CADPS2: variants seen among roughly 807,000 people sequenced by gnomAD.
The protein encoded by CADPS2 is calcium-dependent secretion activator 2.
In CADPS2, 93 loss-of-function variants were observed where a neutral mutation model predicts 172.5. The observed-to-expected ratio is 0.54, with a 90% CI of 0.46 to 0.64. The LOEUF (loss-of-function observed/expected upper bound fraction) is 0.64. CADPS2 is among the 30% of genes least tolerant of loss of function. The pLI, the probability that CADPS2 is intolerant of heterozygous loss-of-function variation, is 0.00. For missense variants in CADPS2, 1,420 were observed against 1,565.9 expected, an observed-to-expected ratio of 0.91 and a Z score of 1.57; for synonymous variants, 546 against 555.2, an observed-to-expected ratio of 0.98 and a Z score of 0.23.
At chr7:122,466,768 A>T (rs554179548) in intron 14 of CADPS2, among the ~76,000 whole-genome samples, 2 of 152,318 alleles carry the variant, frequency 1.3e-5, no homozygotes, top group East Asian at 3.9e-4. Flanking sequence ...ATTACTCACA[A>T]GGTACACATG....
chr7:122,557,983 A>G (rs933341789), intron 7 of CADPS2, among the ~76,000 whole-genome samples: 2 of 152,072 alleles, frequency 1.3e-5, no homozygotes, highest in Non-Finnish European at 2.9e-5. Flanking sequence ...GAGAACACCA[A>G]TACCTAGGAA....
intron 11 of CADPS2, among the ~76,000 whole-genome samples, chr7:122,483,495 T>C (rs2057501853): frequency 2.0e-5 from 3 of 151,968 alleles, no homozygotes; most frequent in African/African-American, 7.2e-5. Flanking sequence ...GAAGTGAAAA[T>C]ATCTATATTA....
chr7:122,404,058 T>C (rs1231242320), intron 20 of CADPS2, among the ~76,000 whole-genome samples: 3 of 152,150 alleles, frequency 2.0e-5, no homozygotes, highest in Non-Finnish European at 4.4e-5. Flanking sequence ...TAGTAACATA[T>C]GTATACACGT....
At chr7:122,621,856 C>A in intron 4 of CADPS2, 139 bp from the exon 5 acceptor site, 1 of 596,546 alleles carries the variant, frequency 1.7e-6, no homozygotes, top group South Asian at 2.4e-5. Flanking sequence ...AGTCACTAGG[C>A]TGTAAAATCC....
At chr7:122,721,055 G>T (rs2090335113) in intron 2 of CADPS2, among the ~76,000 whole-genome samples, 1 of 151,880 alleles carries the variant, frequency 6.6e-6, no homozygotes, top group African/African-American at 2.4e-5. Flanking sequence ...ATTTTGAGGT[G>T]GGCATCATCA....
intron 1 of CADPS2, among the ~76,000 whole-genome samples, chr7:122,738,041 C>T (rs773933377): frequency 1.2e-4 from 18 of 152,050 alleles, no homozygotes; most frequent in African/African-American, 2.4e-4. Flanking sequence ...GCAGTGAATG[C>T]GTCTTTGAGC....
In CADPS2 at chr7:122,364,627, T is replaced by G. The variant is rs548005904; in HGVS notation, c.3388-3614A>C. Among the ~76,000 whole-genome samples, 37 of 150,752 alleles carry G rather than the reference T, an allele frequency of 2.5e-4. No homozygotes were observed. The South Asian group carries it at 7.6e-3, about 31-fold the overall frequency. ...CTATAGTCTCAGCTACTCAGGAGAC[T>G]GAGGCAGGAGAATGGTGTGAACCCA... On this transcript the variant is annotated intron_variant, in intron 25 of 29. Transcript: ENST00000449022.
intron 8 of CADPS2, among the ~76,000 whole-genome samples, chr7:122,529,126 C>G (rs952423381): frequency 6.6e-6 from 1 of 152,028 alleles, no homozygotes; most frequent in African/African-American, 2.4e-5. Flanking sequence ...TCCAAAGGTA[C>G]TTGTGAAGTT....
chr7:122,444,652 A>G (rs1411668827), intron 15 of CADPS2, among the ~76,000 whole-genome samples: 2 of 152,134 alleles, frequency 1.3e-5, no homozygotes, highest in African/African-American at 4.8e-5. Flanking sequence ...AATTGGGTTA[A>G]TATTTTATAA....
intron 11 of CADPS2, among the ~76,000 whole-genome samples, chr7:122,484,371 AT>A (rs1263565586): frequency 6.6e-6 from 1 of 152,104 alleles, no homozygotes; most frequent in Non-Finnish European, 1.5e-5. Context: ...TAGTTAATTG[AT>A]TTTTCACAAA....
At chr7:122,550,802 A>C (rs1414873662) in intron 8 of CADPS2, among the ~76,000 whole-genome samples, 1 of 152,138 alleles carries the variant, frequency 6.6e-6, no homozygotes, top group African/African-American at 2.4e-5. Context: ...TAAATTCAAA[A>C]GCTGGATGTG....
intron 2 of CADPS2, among the ~76,000 whole-genome samples, chr7:122,696,857 A>G (rs2085189026): frequency 6.6e-6 from 1 of 152,200 alleles, no homozygotes; most frequent in Admixed American, 6.5e-5. Context: ...TTTATCATTC[A>G]CTTATTCATT....
chr7:122,528,427 G>C (rs554248773), intron 8 of CADPS2, among the ~76,000 whole-genome samples: 1 of 152,176 alleles, frequency 6.6e-6, no homozygotes, highest in East Asian at 1.9e-4. Flanking sequence ...AATTTCTTAA[G>C]TTCTTAAGAA....
intron 1 of CADPS2, among the ~76,000 whole-genome samples, chr7:122,835,179 G>A (rs1420516469): frequency 6.6e-6 from 1 of 152,200 alleles, no homozygotes; most frequent in Non-Finnish European, 1.5e-5. Flanking sequence ...AAATGGGTCT[G>A]GAGTAGACCT....
intron 14 of CADPS2, among the ~76,000 whole-genome samples, chr7:122,467,607 C>T (rs149829843): frequency 6.6e-6 from 1 of 152,316 alleles, no homozygotes; most frequent in African/African-American, 2.4e-5. Flanking sequence ...CACATCTGAG[C>T]TGGCGTTTGT....
At chr7:122,877,805 T>C (rs747171341) in intron 1 of CADPS2, among the ~76,000 whole-genome samples, 3 of 152,116 alleles carry the variant, frequency 2.0e-5, no homozygotes, top group Admixed American at 6.6e-5. Flanking sequence ...ATCAGGAGCA[T>C]GTACTTTATA....
intron 1 of CADPS2, among the ~76,000 whole-genome samples, chr7:122,800,372 C>T (rs988203495): frequency 1.3e-5 from 2 of 152,156 alleles, no homozygotes; most frequent in Admixed American, 6.5e-5. Flanking sequence ...AATTTTACCT[C>T]ATAAACAGAT....
At chr7:122,571,251 A>T (rs1335854457) in intron 7 of CADPS2, among the ~76,000 whole-genome samples, 1 of 152,170 alleles carries the variant, frequency 6.6e-6, no homozygotes, top group Non-Finnish European at 1.5e-5. Context: ...AAACATCATT[A>T]GTGTTTTTGC....
At chr7:122,655,367 C>T (rs2079622963) in intron 3 of CADPS2, among the ~76,000 whole-genome samples, 1 of 152,048 alleles carries the variant, frequency 6.6e-6, no homozygotes, top group South Asian at 2.1e-4. Flanking sequence ...TCATTGTTGT[C>T]TTATTTAAAG....
Sources: gnomAD v4.1 joint callset for allele counts (sites outside exome capture counted in the v4.1 genomes callset) on GRCh38, gnomAD v4.1.1 for gene constraint, MANE v1.5 for transcripts, NCBI Gene and HGNC (gene_info 2026-07-23, HGNC 2026-07-21) for gene names.